Variants in HAS2 observed in about 807,000 individuals in gnomAD.
HAS2 encodes the protein HA synthase 2.
In HAS2, 16 loss-of-function variants were observed where a neutral mutation model predicts 51.6. The ratio of observed to expected loss-of-function variants is 0.31; its 90% CI spans 0.21 to 0.47. The LOEUF is 0.47. HAS2 is among the 20% of genes least tolerant of loss of function. The pLI is 1.00. For missense variants in HAS2, 361 were observed against 662.6 expected (o/e 0.54, Z 5.00); for synonymous variants, 228 against 235.5 (o/e 0.97, Z 0.29).
intron 1 of HAS2, chr8:121,639,441 C>T (rs1022874589): frequency 6.5e-6 from 1 of 152,724 alleles, no homozygotes; most frequent in Non-Finnish European, 1.5e-5. Context: ...CCTCCCGTAG[C>T]TGGGCTGCTG....
chr8:121,623,037 A>G (rs574919580), intron 2 of HAS2, among the ~76,000 whole-genome samples: 1 of 152,174 alleles, frequency 6.6e-6, no homozygotes, highest in South Asian at 2.1e-4. Context: ...CCCTTGTAGT[A>G]ATTTGGTTTA....
At chr8:121,617,237 A>G in intron 2 of HAS2, 31 bp from the exon 3 acceptor site, 1 of 1,293,066 alleles carries the variant, frequency 7.7e-7, no homozygotes, top group South Asian at 1.2e-5. Context: ...AATGAGTTAA[A>G]GAAAAGGAAG....
rs1337942063 is a variant in HAS2 at position 121,612,300 on chromosome 8, CA to C, written c.*1808del. ...ACATAAATAGTTAAAAAGGCAAACT[CA>C]AGTTTTCATCTCATTTATTGGCATG... On this transcript the variant is annotated 3_prime_UTR_variant, in exon 4 of 4. Coordinates refer to ENST00000303924, the MANE Select transcript of HAS2 (RefSeq NM_005328.3). 1 of 152,158 alleles carries C rather than the reference CA, an allele frequency of 6.6e-6. No individual in the cohort carries two copies. Among genetic ancestry groups the C allele is most frequent in the African/African-American group, 2.4e-5 (1 of 41,434 alleles). The allele number at this position is 152,158 out of a possible 1,614,324, so 9.4% of individuals were successfully genotyped here.
chr8:121,614,804 G>A lies in HAS2; in HGVS notation c.964C>T (p.Leu322=). 1.2e-6 allele frequency: 2 copies of A among 1,614,186 alleles called. No individual in the cohort carries two copies. The highest frequency in any genetic ancestry group is 1.7e-6 in the Non-Finnish European group (2 of 1,180,024). ...TATTTTGTTGCATAGCCCAGGCTCA[G>A]CACCCGGTTCGTGAGATGCCTGTCA... ...GDDRHLTNRV[L]SLGYATKYTA... The change falls in exon 4 of 4, where the codon CTG becomes TTG. Residue 322 remains leucine, a synonymous_variant. Transcript: ENST00000303924. This position sits in a 1 kb window ranked among gnomAD's most constrained non-coding sequence, Gnocchi z 7.2.
intron 2 of HAS2, among the ~76,000 whole-genome samples, chr8:121,618,680 G>A (rs1812738383): frequency 6.6e-6 from 1 of 152,124 alleles, no homozygotes; most frequent in Non-Finnish European, 1.5e-5. Context: ...AATATAAATT[G>A]ATCAGAATTG....
chr8:121,623,015 G>A (rs762601457), intron 2 of HAS2, among the ~76,000 whole-genome samples: 46 of 152,004 alleles, frequency 3.0e-4, no homozygotes, highest in Non-Finnish European at 2.8e-4. Context: ...GGGGGATGGG[G>A]AGGAGGTTCT....
intron 1 of HAS2, among the ~76,000 whole-genome samples, chr8:121,631,025 GA>G (rs754717373): frequency 2.8e-4 from 43 of 152,248 alleles, no homozygotes; most frequent in Middle Eastern, 6.8e-3. Context: ...GGAAATCTGA[GA>G]TATGCCACTT....
chr8:121,628,738 C>A lies in HAS2; in HGVS notation c.603G>T (p.Leu201=). Residue 201 remains leucine (L), a synonymous_variant, in exon 2 of 4, where the codon CTG becomes CTT. Coordinates refer to ENST00000303924, the MANE Select transcript of HAS2 (RefSeq NM_005328.3). ...REVMYTAFRA[L]GRSVDYVQVC... ...CCTGTACATAATCCACACTTCGTCC[C>A]AGTGCTCTGAAGGCTGTGTACATGA... 3.7e-6 allele frequency: 6 copies of A among 1,613,960 alleles called. No homozygotes were observed. The highest frequency in any genetic ancestry group is 5.1e-6 in the Non-Finnish European group (6 of 1,179,898).
At chr8:121,628,530 A>G (rs1246093394) in intron 2 of HAS2, among the ~76,000 whole-genome samples, 184 bp downstream of exon 2, 1 of 151,694 alleles carries the variant, frequency 6.6e-6, no homozygotes, top group Non-Finnish European at 1.5e-5. Flanking sequence ...TAGTCTCAAC[A>G]GTTTTACAAG....
intron 1 of HAS2, among the ~76,000 whole-genome samples, chr8:121,630,796 G>C (rs1192897240): frequency 6.6e-6 from 1 of 152,130 alleles, no homozygotes; most frequent in African/African-American, 2.4e-5. Flanking sequence ...TGTTCACACA[G>C]TATCCTCTAG....
intron 1 of HAS2, chr8:121,639,352 TC>T (rs1336235300): frequency 6.6e-6 from 1 of 152,234 alleles, no homozygotes; most frequent in Non-Finnish European, 1.5e-5. Flanking sequence ...GGGCAATTGC[TC>T]CTGAGACCCA....
rs117457182 is a variant in HAS2 at position 121,622,536 on chromosome 8, G to A, written c.628-5330C>T. Among the ~76,000 whole-genome samples the A allele has an allele frequency of 5.9e-3, 896 of 152,108 alleles. 5 individuals carry two copies. The highest frequency in any genetic ancestry group is 8.8e-3 in the Non-Finnish European group (598 of 67,968). ...TATGTAAAGCTGTTAGTAATGGCTAGCTCACAGTAAATGCTCAATAAATGG... is the reference window on the plus strand; with the variant it reads ...TATGTAAAGCTGTTAGTAATGGCTAACTCACAGTAAATGCTCAATAAATGG... On this transcript the variant is annotated intron_variant, in intron 2 of 3. Transcript: ENST00000303924.
Position 121,617,157 on chromosome 8 carries a change from A to G in HAS2, c.677T>C (p.Val226Ala), listed in dbSNP as rs772589615. The change falls in exon 3 of 4, where the codon GTA (valine) becomes GCA (alanine). Residue 226 changes from valine (V) to alanine (A), a missense_variant. Val to Ala is a moderately conservative substitution (Grantham distance 64). Around this residue, in one of 5 missense-constraint regions of HAS2, gnomAD observed 49 missense variants for 108.3 expected, o/e 0.45. Transcript: ENST00000303924. ...MLDPASSVEM[V>A]KVLEEDPMVG... Reference sequence around the variant, plus strand: ...CATGGGATCTTCTTCTAAAACTTTTACCATCTCCACAGATGAGGCTGGGTC... The same window carrying G: ...CATGGGATCTTCTTCTAAAACTTTTGCCATCTCCACAGATGAGGCTGGGTC... 3.1e-6 allele frequency: 5 copies of G among 1,612,988 alleles called. No individual in the cohort carries two copies. In the South Asian group the frequency reaches 4.4e-5, roughly 14 times the overall value.
chr8:121,619,946 G>A (rs1457697296), intron 2 of HAS2, among the ~76,000 whole-genome samples: 2 of 152,104 alleles, frequency 1.3e-5, no homozygotes, highest in East Asian at 3.9e-4. Flanking sequence ...AGGAGAACTG[G>A]CTCTTTGAAA....
At chr8:121,639,990 T>C (rs1813069942) in intron 1 of HAS2, 1 of 152,156 alleles carries the variant, frequency 6.6e-6, no homozygotes, top group African/African-American at 2.4e-5. Context: ...GCGTGCGCGG[T>C]GCCACGTCGG....
chr8:121,629,465 C>A, intron 1 of HAS2, 125 bp from the exon 2 acceptor site: 1 of 763,540 alleles, frequency 1.3e-6, no homozygotes, highest in East Asian at 2.6e-5. Context: ...ATTTCTCGCC[C>A]AACTCATTGT....
In HAS2 at chr8:121,641,363, G is replaced by T. The variant is rs1306149404; in HGVS notation, c.-511C>A. 1.3e-5 allele frequency: 2 copies of T among 151,772 alleles called. No homozygotes were observed. The highest frequency in any genetic ancestry group is 2.9e-5 in the Non-Finnish European group (2 of 68,050). The allele number at this position is 151,772 out of a possible 1,614,324, so 9.4% of individuals were successfully genotyped here. A position where few individuals can be genotyped will look rare whatever the true frequency, so the allele number is the denominator to read the frequency against. ...AATGGGCTGCTCGAAGCCAGGACTG[G>T]GTAATTCTTTCCAGACGTCTTGACT... is the stretch of plus-strand genomic sequence containing the variant. On this transcript the variant is annotated 5_prime_UTR_variant, in exon 1 of 4. Coordinates refer to ENST00000303924, the MANE Select transcript of HAS2 (RefSeq NM_005328.3).
intron 1 of HAS2, chr8:121,640,169 G>A (rs1053039741): frequency 3.3e-5 from 5 of 152,324 alleles, no homozygotes; most frequent in African/African-American, 9.6e-5. Context: ...CCTGGCCCGA[G>A]TAAGCCCAGA....
chr8:121,636,210 G>A (rs1217384998), intron 1 of HAS2, among the ~76,000 whole-genome samples: 2 of 152,234 alleles, frequency 1.3e-5, no homozygotes, highest in East Asian at 3.9e-4. Context: ...AGTAAAATAA[G>A]ACTTTCATGA....
Sources: allele counts gnomAD v4.1 joint callset (sites outside exome capture counted in the v4.1 genomes callset), GRCh38; gene constraint gnomAD v4.1.1; regional missense constraint gnomAD v4.1.1; non-coding constraint Gnocchi (gnomAD v3.1); transcripts MANE v1.5; gene names NCBI Gene and HGNC (gene_info 2026-07-23, HGNC 2026-07-21).